TTC33: variants seen among roughly 807,000 people sequenced by gnomAD.
TTC33 encodes tetratricopeptide repeat protein 33.
TTC33 carries 24 observed loss-of-function variants against 29.4 expected under a neutral mutation model. The ratio of observed to expected loss-of-function variants is 0.82; its 90% CI spans 0.59 to 1.15. The LOEUF is 1.15. Ranked by LOEUF, TTC33 falls within the 50% of genes most tolerant of loss-of-function variation. TTC33 has a pLI of 0.00. For missense variants in TTC33, 286 were observed against 310.4 expected (o/e 0.92, Z 0.59); for synonymous variants, 107 against 100.3 (o/e 1.07, Z -0.40).
intron 2 of TTC33, among the ~76,000 whole-genome samples, chr5:40,746,207 G>A (rs1271228456): frequency 1.3e-5 from 2 of 151,260 alleles, no homozygotes; most frequent in Non-Finnish European, 2.9e-5. Flanking sequence ...AGGAGAAAAG[G>A]AATAAAAAAG....
At chr5:40,730,372 A>G in intron 2 of TTC33, 29 bp from the exon 3 acceptor site, 4 of 1,557,748 alleles carry the variant, frequency 2.6e-6, no homozygotes, top group Non-Finnish European at 3.5e-6. Flanking sequence ...TATCAATGCC[A>G]TATTTTCAAT....
Position 40,728,355 on chromosome 5 carries a change from T to C in TTC33, c.425A>G (p.Glu142Gly). 1 of 1,586,950 alleles carries C rather than the reference T, an allele frequency of 6.3e-7. No homozygotes were observed. The highest frequency in any genetic ancestry group is 8.6e-7 in the Non-Finnish European group (1 of 1,168,254). Residue 142 changes from glutamate to glycine, a missense_variant, in exon 4 of 5, where the codon GAG (glutamate) becomes GGG (glycine). Physicochemically the swap from Glu to Gly is moderately conservative, Grantham distance 98 (BLOSUM62 -2). Coordinates refer to ENST00000337702, the MANE Select transcript of TTC33 (RefSeq NM_012382.3). The part of the protein sequence containing the change: ...TLGRAQLGLG[E>G]IILAIRSFQV... ...ATCTGACTTCCTCACCAGGATTATC[T>C]CTCCTAAACCAAGTTGAGCACGTCC...
intron 4 of TTC33, among the ~76,000 whole-genome samples, chr5:40,717,343 T>C (rs542524770): frequency 1.3e-5 from 2 of 150,902 alleles, no homozygotes; most frequent in East Asian, 2.0e-4. Context: ...ACAGAAAGAG[T>C]AGAAACCAAA....
chr5:40,717,929 G>A (rs10042750), intron 4 of TTC33, among the ~76,000 whole-genome samples: 1 of 151,772 alleles, frequency 6.6e-6, no homozygotes, highest in African/African-American at 2.4e-5. Context: ...AGGTGTGGTG[G>A]TGCACGCCTG....
chr5:40,734,311 A>G (rs1742499152), intron 2 of TTC33, among the ~76,000 whole-genome samples: 1 of 95,016 alleles, frequency 1.1e-5, no homozygotes, highest in Non-Finnish European at 2.2e-5. Context: ...ATTCAACTTC[A>G]GTTTGGAACA....
intron 2 of TTC33, among the ~76,000 whole-genome samples, chr5:40,733,316 T>G (rs1021313135): frequency 6.6e-6 from 1 of 152,160 alleles, no homozygotes; most frequent in Non-Finnish European, 1.5e-5. Flanking sequence ...AAGGTCCATA[T>G]AGTAAACATT....
rs1471655056 is a variant in TTC33 at position 40,713,015 on chromosome 5, CTTA to C, written c.*3127_*3129del. ...TTTTATAATTTATATATTTCAATAT[CTTA>C]TTATTGGTAAGAAAAACTTAACTTT... On this transcript the variant is annotated 3_prime_UTR_variant, in exon 5 of 5. Transcript: ENST00000337702. 2.6e-5 allele frequency among the ~76,000 whole-genome samples: 4 copies of C among 151,894 alleles called. No individual in the cohort carries two copies. The highest frequency in any genetic ancestry group is 4.4e-5 in the Non-Finnish European group (3 of 67,960).
chr5:40,739,993 G>A (rs1464651920), intron 2 of TTC33, among the ~76,000 whole-genome samples: 2 of 151,138 alleles, frequency 1.3e-5, no homozygotes, highest in African/African-American at 2.4e-5. Context: ...ATCCATTATT[G>A]GCTTATAAGC....
At chr5:40,723,481 G>C (rs1478819257) in intron 4 of TTC33, among the ~76,000 whole-genome samples, 1 of 147,282 alleles carries the variant, frequency 6.8e-6, no homozygotes, top group African/African-American at 2.5e-5. Flanking sequence ...CAAAGCATAG[G>C]TTTAACAATT....
At chr5:40,749,663 C>T (rs1401105907) in intron 1 of TTC33, among the ~76,000 whole-genome samples, 1 of 152,144 alleles carries the variant, frequency 6.6e-6, no homozygotes, top group African/African-American at 2.4e-5. Context: ...ACGGTCAGTT[C>T]CAGACCACTG....
chr5:40,749,039 T>C (rs564445146), intron 1 of TTC33, among the ~76,000 whole-genome samples: 166 of 152,182 alleles, frequency 1.1e-3, no homozygotes, highest in Non-Finnish European at 2.1e-3. Flanking sequence ...GGCAAGAGAA[T>C]TGCTTGAACC....
At chr5:40,746,642 G>A (rs1742792678) in intron 2 of TTC33, among the ~76,000 whole-genome samples, 156 bp downstream of exon 2, 1 of 151,994 alleles carries the variant, frequency 6.6e-6, no homozygotes, top group Non-Finnish European at 1.5e-5. Context: ...TCATTTTTCA[G>A]GTGACTTTGA....
intron 2 of TTC33, among the ~76,000 whole-genome samples, chr5:40,733,907 TAC>T (rs1300945368): frequency 1.3e-5 from 2 of 152,122 alleles, no homozygotes; most frequent in Admixed American, 6.5e-5. Context: ...CAAACAGACA[TAC>T]ACACACACAC....
rs745739594 is a variant in TTC33, at chr5:40,716,184, A to C, written c.750T>G (p.Ala250=). Residue 250 remains alanine, a synonymous_variant, in exon 5 of 5, where the codon GCT becomes GCG. Transcript: ENST00000337702. ...IETVTEKEDG[A]TPPDGSVFIK... ...TAAAAACAGAGCCATCTGGTGGTGT[A>C]GCACCATCCTCCTTTTCAGTTACAG... 6.2e-7 allele frequency: 1 copy of C among 1,613,718 alleles called. No individual in the cohort carries two copies. The highest frequency in any genetic ancestry group is 8.5e-7 in the Non-Finnish European group (1 of 1,179,720).
intron 2 of TTC33, among the ~76,000 whole-genome samples, chr5:40,739,888 A>G (rs1042810137): frequency 1.3e-5 from 2 of 151,972 alleles, no homozygotes; most frequent in Non-Finnish European, 2.9e-5. Context: ...GTTTTGCTGA[A>G]TTTTTTTCCT....
chr5:40,733,352 A>G (rs1469500143), intron 2 of TTC33, among the ~76,000 whole-genome samples: 1 of 152,166 alleles, frequency 6.6e-6, no homozygotes, highest in Non-Finnish European at 1.5e-5. Context: ...CATACAGTCT[A>G]TCACAACTAT....
In TTC33 at chr5:40,751,632, T is replaced by C. The variant is rs249427; in HGVS notation, c.-2+4192A>G. Among the ~76,000 whole-genome samples, 168 of 152,260 alleles carry C rather than the reference T, an allele frequency of 1.1e-3. 1 individual carries two copies. The East Asian group carries it at 0.027, about 25-fold the overall frequency. On this transcript the variant is annotated intron_variant, in intron 1 of 4. Coordinates refer to ENST00000337702, the MANE Select transcript of TTC33 (RefSeq NM_012382.3). Reference sequence around the variant, plus strand: ...GCAGCTATGAAAGTCCTGGAGAGTATCTTCTTCCAATAGAAACCTGTGTCA... The same window carrying C: ...GCAGCTATGAAAGTCCTGGAGAGTACCTTCTTCCAATAGAAACCTGTGTCA...
chr5:40,736,372 C>A (rs923852550), intron 2 of TTC33, among the ~76,000 whole-genome samples: 3 of 152,154 alleles, frequency 2.0e-5, no homozygotes, highest in African/African-American at 7.2e-5. Flanking sequence ...CTTTCCTAGA[C>A]AAGAACAAAA....
At chr5:40,738,459 CAAT>C (rs1742607069) in intron 2 of TTC33, among the ~76,000 whole-genome samples, 30 of 99,648 alleles carry the variant, frequency 3.0e-4, no homozygotes, top group African/African-American at 1.1e-3. Flanking sequence ...CAATACAATA[CAAT>C]ACAATACAAT....
Sources: allele counts gnomAD v4.1 joint callset (sites outside exome capture counted in the v4.1 genomes callset), GRCh38; gene constraint gnomAD v4.1.1; transcripts MANE v1.5; gene names NCBI Gene and HGNC (gene_info 2026-07-23, HGNC 2026-07-21).